ABCA12: variants seen among roughly 807,000 people sequenced by gnomAD.
The protein encoded by ABCA12 is ATP binding cassette subfamily A member 12, also known as glucosylceramide transporter ABCA12.
A neutral mutation model predicts 293.5 loss-of-function variants in ABCA12; 156 were observed. The observed-to-expected ratio is 0.53, with a 90% CI of 0.47 to 0.61. ABCA12 has a LOEUF of 0.61. Among genes scored for constraint, ABCA12 ranks in the 20% least tolerant of loss-of-function variants. The pLI, the probability that ABCA12 is intolerant of heterozygous loss-of-function variation, is 0.00. For synonymous variants in ABCA12, 1,063 were observed against 1,108.0 expected, an observed-to-expected ratio of 0.96 and a Z score of 0.81; for missense variants, 2,797 against 3,090.2, an observed-to-expected ratio of 0.91 and a Z score of 2.25.
intron 11 of ABCA12, 137 bp from the exon 12 acceptor site, chr2:215,019,933 C>T (rs551203814): frequency 2.0e-5 from 21 of 1,073,700 alleles, no homozygotes; most frequent in Admixed American, 8.0e-5. Flanking sequence ...TGGCATTTGG[C>T]GTTAGTTTTA....
chr2:215,096,527 T>C (rs1295758485), intron 2 of ABCA12, among the ~76,000 whole-genome samples: 1 of 152,190 alleles, frequency 6.6e-6, no homozygotes, highest in Non-Finnish European at 1.5e-5. Flanking sequence ...GACTCCCAAA[T>C]CAAAAGCCAG....
At chr2:215,023,007 A>C (rs905165489) in intron 11 of ABCA12, 3 of 152,224 alleles carry the variant, frequency 2.0e-5, no homozygotes, top group African/African-American at 4.8e-5. Context: ...GTTCAAGAAG[A>C]GCAGAATGTT....
intron 21 of ABCA12, 110 bp from the exon 22 acceptor site, chr2:215,001,130 G>GTGACA: frequency 1.0e-6 from 1 of 1,004,408 alleles, no homozygotes; most frequent in Non-Finnish European, 1.5e-6. Flanking sequence ...AGTTAGTAAT[G>GTGACA]TGACAGTAGG....
intron 49 of ABCA12, among the ~76,000 whole-genome samples, chr2:214,944,109 A>T (rs1008616208): frequency 6.6e-6 from 1 of 152,054 alleles, no homozygotes; most frequent in African/African-American, 2.4e-5. Flanking sequence ...AGTTGGAGAG[A>T]TTTTGTGAAA....
At chr2:214,947,954 T>C (rs1384287431) in intron 47 of ABCA12, 1 of 262,046 alleles carries the variant, frequency 3.8e-6, no homozygotes, top group Non-Finnish European at 7.5e-6. Context: ...AGGGGTGAGT[T>C]GTCACAAAGG....
At chr2:215,111,226 G>T (rs758354191) in intron 2 of ABCA12, among the ~76,000 whole-genome samples, 29 of 152,190 alleles carry the variant, frequency 1.9e-4, no homozygotes, top group Non-Finnish European at 3.1e-4. Context: ...TTGTTCAGTT[G>T]ATCAAATACA....
At chr2:214,951,418 C>A (rs1306689896) in intron 44 of ABCA12, among the ~76,000 whole-genome samples, 2 of 152,150 alleles carry the variant, frequency 1.3e-5, no homozygotes, top group African/African-American at 4.8e-5. Flanking sequence ...ACTCCAGAAT[C>A]ATTAGGAAAA....
chr2:214,989,040 G>C (rs930101731), intron 26 of ABCA12, among the ~76,000 whole-genome samples: 2 of 149,832 alleles, frequency 1.3e-5, no homozygotes, highest in African/African-American at 2.4e-5. Flanking sequence ...TTAGCCGGGC[G>C]TGGTGGCACG....
intron 49 of ABCA12, 145 bp downstream of exon 49, chr2:214,944,854 GTA>G: frequency 1.6e-6 from 1 of 625,256 alleles, no homozygotes; most frequent in Non-Finnish European, 2.8e-6. Context: ...ATATTTGTGT[GTA>G]TATATTTTGT....
chr2:215,008,904 A>G (rs1392859583), intron 18 of ABCA12, among the ~76,000 whole-genome samples: 1 of 152,206 alleles, frequency 6.6e-6, no homozygotes, highest in Non-Finnish European at 1.5e-5. Context: ...GCCATTGTGG[A>G]AGACAGTGTA....
chr2:215,129,346 G>A (rs1401944345), intron 1 of ABCA12, among the ~76,000 whole-genome samples: 3 of 152,180 alleles, frequency 2.0e-5, no homozygotes. Flanking sequence ...TCATGTCCCT[G>A]GTGCTGCCTG....
chr2:215,115,311 A>C (rs991776403), intron 1 of ABCA12, among the ~76,000 whole-genome samples: 3 of 152,340 alleles, frequency 2.0e-5, no homozygotes, highest in South Asian at 2.1e-4. Context: ...TCACAAAAGC[A>C]AGAAATAAAT....
intron 2 of ABCA12, among the ~76,000 whole-genome samples, chr2:215,079,894 T>A (rs1523714): frequency 0.036 from 5,451 of 152,258 alleles, 326 homozygotes; most frequent in African/African-American, 0.12. Context: ...TTTAGATATA[T>A]CGACAGGATT....
intron 44 of ABCA12, 118 bp from the exon 45 acceptor site, chr2:214,951,201 T>C (rs1360184347): frequency 2.2e-6 from 2 of 900,134 alleles, no homozygotes; most frequent in Admixed American, 1.8e-5. Flanking sequence ...TAGACTTCTT[T>C]TACATTTGTA....
chr2:215,052,606 AT>A, intron 4 of ABCA12, 22 bp from the exon 5 acceptor site: 1 of 1,582,094 alleles, frequency 6.3e-7, no homozygotes, highest in Non-Finnish European at 8.7e-7. Context: ...GAAGGAACAG[AT>A]TAGCATTCCA....
intron 2 of ABCA12, among the ~76,000 whole-genome samples, chr2:215,069,112 A>T (rs561529406): frequency 1.3e-5 from 2 of 151,972 alleles, no homozygotes; most frequent in Non-Finnish European, 2.9e-5. Flanking sequence ...GTATTTTTAT[A>T]TTTCCAGGTG....
chr2:215,134,230 A>ATATG (rs1201884913), intron 1 of ABCA12, among the ~76,000 whole-genome samples: 4 of 149,828 alleles, frequency 2.7e-5, no homozygotes, highest in African/African-American at 7.3e-5. Flanking sequence ...TTTAGCATAT[A>ATATG]TATATGTATA....
intron 2 of ABCA12, among the ~76,000 whole-genome samples, chr2:215,073,376 T>C (rs1247171798): frequency 6.6e-6 from 1 of 152,024 alleles, no homozygotes; most frequent in Non-Finnish European, 1.5e-5. Context: ...TGTAGGACAT[T>C]CTCCCTCTAA....
chr2:214,943,833 A>G (rs531968214), intron 49 of ABCA12, among the ~76,000 whole-genome samples: 2 of 152,378 alleles, frequency 1.3e-5, no homozygotes, highest in South Asian at 2.1e-4. Context: ...ACAAAAGCCA[A>G]TGGAAATTAA....
Sources: allele counts gnomAD v4.1 joint callset (sites outside exome capture counted in the v4.1 genomes callset), GRCh38; gene constraint gnomAD v4.1.1; transcripts MANE v1.5; gene names NCBI Gene and HGNC (gene_info 2026-07-23, HGNC 2026-07-21).